The following SGMS1 variants were observed in gnomAD, a reference collection of about 807,000 sequenced individuals.
The protein encoded by SGMS1 is phosphatidylcholine:ceramide cholinephosphotransferase 1.
A neutral mutation model predicts 46.2 loss-of-function variants in SGMS1; 13 were observed. The ratio of observed to expected loss-of-function variants is 0.28; its 90% confidence interval spans 0.18 to 0.45. The LOEUF is 0.45. Ranked by LOEUF, SGMS1 falls within the 20% of genes least tolerant of loss-of-function variation. SGMS1 has a pLI of 1.00. For synonymous variants in SGMS1, 203 were observed against 187.8 expected, an observed-to-expected ratio of 1.08 and a Z score of -0.66; for missense variants, 324 against 519.9, an observed-to-expected ratio of 0.62 and a Z score of 3.66.
intron 1 of SGMS1, among the ~76,000 whole-genome samples, chr10:50,595,841 G>T (rs1425512464): frequency 6.6e-6 from 1 of 152,190 alleles, no homozygotes; most frequent in Non-Finnish European, 1.5e-5. Context: ...GAGGCAGAGT[G>T]GGTGCCGATA....
intron 6 of SGMS1, among the ~76,000 whole-genome samples, chr10:50,402,747 T>A (rs1022902111): frequency 8.0e-5 from 12 of 150,096 alleles, no homozygotes; most frequent in South Asian, 6.4e-4. Context: ...TTTTTTTTTT[T>A]AATTTCAATA....
chr10:50,620,271 T>C (rs888140201), intron 1 of SGMS1, among the ~76,000 whole-genome samples: 3 of 152,232 alleles, frequency 2.0e-5, no homozygotes, highest in Non-Finnish European at 2.9e-5. Context: ...TAACAACCTT[T>C]ACAGGGATGC....
rs553395139 is a variant in SGMS1, at chr10:50,308,853, T to C, written c.896-705A>G. ...TCTGCAGTGTTAGGCAAAATGTTGT[T>C]TGAATATGATCTATACTCTCTACAC... On this transcript the variant is annotated intron_variant, in intron 9 of 10. Coordinates refer to ENST00000361781, the MANE Select transcript of SGMS1 (RefSeq NM_147156.4). Among the ~76,000 whole-genome samples the C allele has an allele frequency of 2.0e-5, 3 of 152,320 alleles. No individual in the cohort carries two copies. The East Asian group carries it at 5.8e-4, about 29-fold the overall frequency.
intron 6 of SGMS1, among the ~76,000 whole-genome samples, chr10:50,411,153 T>C (rs1849092997): frequency 6.6e-6 from 1 of 152,170 alleles, no homozygotes; most frequent in Admixed American, 6.5e-5. Flanking sequence ...GCTTTGGAAT[T>C]TCAAGGAAGA....
chr10:50,454,066 A>G (rs1012628852), intron 5 of SGMS1, among the ~76,000 whole-genome samples: 82 of 148,654 alleles, frequency 5.5e-4, no homozygotes, highest in East Asian at 2.2e-3. Flanking sequence ...AAAAAAAAAA[A>G]AAAGAAAGAA....
intron 2 of SGMS1, among the ~76,000 whole-genome samples, chr10:50,589,901 G>A (rs1838524281): frequency 6.6e-6 from 1 of 152,164 alleles, no homozygotes; most frequent in African/African-American, 2.4e-5. Context: ...AGGTCTTTCA[G>A]GGAAGAATAT....
At chr10:50,352,827 A>G (rs945390246) in intron 6 of SGMS1, among the ~76,000 whole-genome samples, 1 of 152,260 alleles carries the variant, frequency 6.6e-6, no homozygotes, top group African/African-American at 2.4e-5. Context: ...CAAATAAACT[A>G]GAAAATCTAG....
At chr10:50,377,180 G>A (rs535818671) in intron 6 of SGMS1, among the ~76,000 whole-genome samples, 15 of 152,320 alleles carry the variant, frequency 9.8e-5, no homozygotes, top group South Asian at 8.3e-4. Flanking sequence ...GCTACATCTG[G>A]TTGGTTTCCG....
At chr10:50,365,246 C>G (rs1308340739) in intron 6 of SGMS1, among the ~76,000 whole-genome samples, 1 of 65,304 alleles carries the variant, frequency 1.5e-5, no homozygotes, top group Non-Finnish European at 3.7e-5. Context: ...GAGTGAGACT[C>G]CATCTCACCA....
intron 5 of SGMS1, among the ~76,000 whole-genome samples, chr10:50,444,257 A>C (rs543667329): frequency 1.7e-4 from 26 of 152,314 alleles, no homozygotes; most frequent in Non-Finnish European, 3.1e-4. Context: ...ATACAAAGTC[A>C]CAGATAAACA....
chr10:50,463,360 T>A (rs1289287485), intron 4 of SGMS1, among the ~76,000 whole-genome samples: 2 of 152,166 alleles, frequency 1.3e-5, no homozygotes, highest in Non-Finnish European at 2.9e-5. Flanking sequence ...GGCAAAGGAC[T>A]TGAATGGACA....
At chr10:50,519,713 A>G (rs986051122) in intron 3 of SGMS1, 118 bp downstream of exon 3, 8 of 152,416 alleles carry the variant, frequency 5.2e-5, no homozygotes, top group African/African-American at 1.7e-4. Context: ...AAGGCCTGGA[A>G]GATCCCCTTA....
At chr10:50,604,287 C>CTGCT (rs1473261520) in intron 1 of SGMS1, among the ~76,000 whole-genome samples, 8 of 152,300 alleles carry the variant, frequency 5.3e-5, no homozygotes, top group African/African-American at 1.7e-4. Flanking sequence ...ACGTAACAGG[C>CTGCT]TGCTCACCAC....
intron 6 of SGMS1, among the ~76,000 whole-genome samples, chr10:50,370,696 G>A (rs1028061893): frequency 1.3e-5 from 2 of 150,502 alleles, no homozygotes; most frequent in Admixed American, 6.6e-5. Context: ...AGCCGAGATC[G>A]TGCCACTGTA....
At position 50,497,098 on chromosome 10, in the gene SGMS1, G is replaced by C. The variant is rs374473309; in HGVS notation, c.-498+22733C>G. ...ACAGCTCTACTGTCATTAGAATGAA[G>C]TCCAGAAGGCTCGATGCAAACCTCT... On this transcript the variant is annotated intron_variant, in intron 3 of 10. Coordinates refer to ENST00000361781, the MANE Select transcript of SGMS1 (RefSeq NM_147156.4). Among the ~76,000 whole-genome samples the C allele has an allele frequency of 2.9e-4, 44 of 152,300 alleles. No homozygotes were observed. The East Asian group carries it at 7.7e-3, about 27-fold the overall frequency.
At chr10:50,313,763 A>C (rs1000026532) in intron 8 of SGMS1, among the ~76,000 whole-genome samples, 1 of 152,236 alleles carries the variant, frequency 6.6e-6, no homozygotes, top group African/African-American at 2.4e-5. Flanking sequence ...TCATTTGAGC[A>C]AGAAAATCTT....
At chr10:50,537,498 G>A (rs1285588315) in intron 2 of SGMS1, among the ~76,000 whole-genome samples, 1 of 150,810 alleles carries the variant, frequency 6.6e-6, no homozygotes, top group Admixed American at 6.6e-5. Context: ...GGGTACATGT[G>A]CACAACGTGC....
intron 6 of SGMS1, among the ~76,000 whole-genome samples, chr10:50,382,631 A>C (rs1184669946): frequency 6.6e-6 from 1 of 151,338 alleles, no homozygotes; most frequent in African/African-American, 2.4e-5. Flanking sequence ...AAAAACACAC[A>C]CACACAAACA....
At chr10:50,329,397 G>C (rs1175396953) in intron 7 of SGMS1, among the ~76,000 whole-genome samples, 1 of 152,206 alleles carries the variant, frequency 6.6e-6, no homozygotes, top group Non-Finnish European at 1.5e-5. Flanking sequence ...CCATTTCCAT[G>C]TGAAACTGTC....
Sources: allele counts gnomAD v4.1 joint callset (sites outside exome capture counted in the v4.1 genomes callset), GRCh38; gene constraint gnomAD v4.1.1; transcripts MANE v1.5; gene names NCBI Gene and HGNC (gene_info 2026-07-23, HGNC 2026-07-21).